The following PPARGC1B variants were observed in gnomAD, a reference collection of about 807,000 sequenced individuals.
The protein encoded by PPARGC1B is peroxisome proliferator-activated receptor gamma coactivator 1-beta.
Under a neutral mutation model 101.6 loss-of-function variants are expected in PPARGC1B, and 34 were observed. The ratio of observed to expected loss-of-function variants is 0.33; its 90% CI spans 0.25 to 0.45. The LOEUF is 0.45. Among genes scored for constraint, PPARGC1B ranks in the 20% least tolerant of loss-of-function variants. PPARGC1B has a pLI of 1.00. For synonymous variants in PPARGC1B, 548 were observed against 539.3 expected, an observed-to-expected ratio of 1.02 and a Z score of -0.22; for missense variants, 1,234 against 1,317.6, an observed-to-expected ratio of 0.94 and a Z score of 0.98.
intron 1 of PPARGC1B, among the ~76,000 whole-genome samples, chr5:149,806,151 C>T (rs1250261102): frequency 6.6e-6 from 1 of 152,260 alleles, no homozygotes; most frequent in Non-Finnish European, 1.5e-5. Context: ...CGCCAGCTAC[C>T]TACTGCCTGT....
intron 1 of PPARGC1B, among the ~76,000 whole-genome samples, chr5:149,789,094 C>T (rs373391121): frequency 6.6e-6 from 1 of 152,090 alleles, no homozygotes; most frequent in African/African-American, 2.4e-5. Flanking sequence ...TTAAAAAATT[C>T]TGGGTTGGAT....
chr5:149,816,240 G>A (rs557039519), intron 1 of PPARGC1B, among the ~76,000 whole-genome samples: 4 of 152,318 alleles, frequency 2.6e-5, no homozygotes, highest in East Asian at 1.9e-4. Context: ...TTGTTTTTAT[G>A]TGCTGGGTAC....
chr5:149,806,408 A>G (rs1210914512), intron 1 of PPARGC1B, among the ~76,000 whole-genome samples: 1 of 151,724 alleles, frequency 6.6e-6, no homozygotes, highest in South Asian at 2.1e-4. Flanking sequence ...CCCCCTTTCT[A>G]CCTCTTTCTG....
intron 1 of PPARGC1B, among the ~76,000 whole-genome samples, chr5:149,771,597 G>A (rs756620023): frequency 6.6e-6 from 1 of 152,212 alleles, no homozygotes; most frequent in Non-Finnish European, 1.5e-5. Context: ...CAGATTTAAG[G>A]CATAGAGTAA....
chr5:149,750,958 G>A (rs1020211097), intron 1 of PPARGC1B, among the ~76,000 whole-genome samples: 2 of 151,924 alleles, frequency 1.3e-5, no homozygotes, highest in Non-Finnish European at 2.9e-5. Flanking sequence ...CAATTTTGAA[G>A]AGTAAAAAAG....
At chr5:149,846,153 CCCACGG>C in intron 11 of PPARGC1B, 1 of 599,476 alleles carries the variant, frequency 1.7e-6, no homozygotes, top group South Asian at 2.1e-5. Context: ...AATCCAGCCT[CCCACGG>C]CCTCTAGGAA....
At chr5:149,753,910 T>A (rs1276384748) in intron 1 of PPARGC1B, among the ~76,000 whole-genome samples, 2 of 152,178 alleles carry the variant, frequency 1.3e-5, no homozygotes, top group African/African-American at 4.8e-5. Flanking sequence ...GCCAGGCTGG[T>A]CTCGAACTCC....
intron 1 of PPARGC1B, among the ~76,000 whole-genome samples, chr5:149,767,898 G>A (rs1228698919): frequency 1.3e-5 from 2 of 152,116 alleles, no homozygotes; most frequent in Admixed American, 1.3e-4. Context: ...CATGTATTGT[G>A]TACTTTATTT....
chr5:149,802,012 T>C (rs1321925041), intron 1 of PPARGC1B, among the ~76,000 whole-genome samples: 1 of 152,190 alleles, frequency 6.6e-6, no homozygotes, highest in Non-Finnish European at 1.5e-5. Flanking sequence ...CCGGAGAAGT[T>C]AAATCATTTG....
chr5:149,771,191 G>A (rs1487285039), intron 1 of PPARGC1B, among the ~76,000 whole-genome samples: 5 of 152,200 alleles, frequency 3.3e-5, no homozygotes, highest in African/African-American at 1.2e-4. Flanking sequence ...TCTAAGTGCC[G>A]GCCACCATTT....
chr5:149,755,615 GTTATTATTATTATTA>G (rs142788730), intron 1 of PPARGC1B, among the ~76,000 whole-genome samples: 8 of 137,144 alleles, frequency 5.8e-5, no homozygotes, highest in African/African-American at 2.2e-4. Flanking sequence ...TATTATTATT[GTTATTATTATTATTA>G]TTATTATTAT....
intron 1 of PPARGC1B, among the ~76,000 whole-genome samples, chr5:149,801,845 G>T (rs547815941): frequency 7.8e-4 from 119 of 152,266 alleles, no homozygotes; most frequent in African/African-American, 2.8e-3. Context: ...AACCCAGAGA[G>T]GCTGCAGCTG....
At chr5:149,820,008 TGTCA>T (rs1758220417) in intron 1 of PPARGC1B, among the ~76,000 whole-genome samples, 1 of 134,230 alleles carries the variant, frequency 7.4e-6, no homozygotes, top group South Asian at 2.4e-4. Context: ...CACACAATAC[TGTCA>T]GTCATTATTA....
intron 1 of PPARGC1B, among the ~76,000 whole-genome samples, chr5:149,731,489 A>G (rs1754464724): frequency 6.6e-6 from 1 of 152,098 alleles, no homozygotes. Flanking sequence ...GTGCTGGCAC[A>G]CGCCTGGGCA....
At position 149,773,966 on chromosome 5, in the gene PPARGC1B, A is replaced by T. The variant is rs115468140; in HGVS notation, c.78+43546A>T. Among the ~76,000 whole-genome samples, 1,350 of 152,316 alleles carry T rather than the reference A, an allele frequency of 8.9e-3. 24 individuals carry two copies. The highest frequency in any genetic ancestry group is 0.031 in the African/African-American group (1,281 of 41,578). On this transcript the variant is annotated intron_variant, in intron 1 of 11. Coordinates refer to ENST00000309241, the MANE Select transcript of PPARGC1B (RefSeq NM_133263.4). ...ATGTTGGTGCTCTGTCCCCAGATGCATGGCAGCCTGTACCTGCCAGTCAGA... is the reference window on the plus strand; with the variant it reads ...ATGTTGGTGCTCTGTCCCCAGATGCTTGGCAGCCTGTACCTGCCAGTCAGA...
At chr5:149,835,213 G>A (rs1758995751) in intron 6 of PPARGC1B, 88 bp from the exon 7 acceptor site, 1 of 1,197,192 alleles carries the variant, frequency 8.4e-7, no homozygotes, top group East Asian at 2.3e-5. Context: ...GCCTGTCACA[G>A]CACTCCCTGC....
intron 10 of PPARGC1B, 162 bp from the exon 11 acceptor site, chr5:149,845,598 T>C (rs1406507142): frequency 1.8e-5 from 12 of 682,310 alleles, no homozygotes; most frequent in Non-Finnish European, 2.7e-5. Flanking sequence ...TATTACCACA[T>C]TGCAGAAGTC....
intron 11 of PPARGC1B, 133 bp downstream of exon 11, chr5:149,846,047 G>C: frequency 3.7e-6 from 4 of 1,068,508 alleles, no homozygotes; most frequent in Non-Finnish European, 5.6e-6. Context: ...GTGCTGCTTG[G>C]TATAACTTTG....
At chr5:149,822,499 C>G (rs973126691) in intron 2 of PPARGC1B, among the ~76,000 whole-genome samples, 4 of 152,246 alleles carry the variant, frequency 2.6e-5, no homozygotes, top group African/African-American at 9.6e-5. Flanking sequence ...GTCCCCAGCC[C>G]CTGCTCCCTG....
Sources: gnomAD v4.1 joint callset for allele counts (sites outside exome capture counted in the v4.1 genomes callset) on GRCh38, gnomAD v4.1.1 for gene constraint, MANE v1.5 for transcripts, NCBI Gene and HGNC (gene_info 2026-07-23, HGNC 2026-07-21) for gene names.